Variants in REC8 observed in about 807,000 individuals in gnomAD.
The protein encoded by REC8 is meiotic recombination protein REC8 homolog.
A neutral mutation model predicts 78.3 loss-of-function variants in REC8; 42 were observed. The ratio of observed to expected loss-of-function variants is 0.54; its 90% CI spans 0.42 to 0.69. REC8 has a LOEUF of 0.69. Ranked by LOEUF, REC8 falls within the 30% of genes least tolerant of loss-of-function variation. REC8 has a pLI of 0.00. For missense variants in REC8, 581 were observed against 715.8 expected (o/e 0.81, Z 2.15); for synonymous variants, 268 against 274.1 (o/e 0.98, Z 0.22).
At chr14:24,178,947 C>G in intron 14 of REC8, 31 bp downstream of exon 14, 1 of 1,611,264 alleles carries the variant, frequency 6.2e-7, no homozygotes, top group South Asian at 1.1e-5. Context: ...CTGCATCGCC[C>G]CAGTGCCAGG....
At chr14:24,177,883 C>T (rs2038972226) in intron 11 of REC8, 125 bp downstream of exon 11, 1 of 1,468,446 alleles carries the variant, frequency 6.8e-7, no homozygotes. Flanking sequence ...AAAAGATGCC[C>T]CTTTCTACGC....
Position 24,176,882 on chromosome 14 carries a change from T to C in REC8, c.605T>C (p.Ile202Thr). 6.2e-7 allele frequency: 1 copy of C among 1,613,738 alleles called. No homozygotes were observed. The highest frequency in any genetic ancestry group is 1.1e-5 in the South Asian group (1 of 90,998). Residue 202 changes from isoleucine (I) to threonine (T), a missense_variant, in exon 7 of 19, where the codon ATA becomes ACA. Transcript: ENST00000611366. ...EAITILEAEP[I>T]RMLEIEGERE... ...ATCACGATCCTGGAGGCAGAGCCCATACGGATGCTGGAGATTGAGGTGAGT... is the reference window on the plus strand; with the variant it reads ...ATCACGATCCTGGAGGCAGAGCCCACACGGATGCTGGAGATTGAGGTGAGT...
Position 24,175,542 on chromosome 14 carries a change from G to A in REC8, c.463-1G>A. 2 of 1,613,344 alleles carry A rather than the reference G, an allele frequency of 1.2e-6. No individual in the cohort carries two copies. The highest frequency in any genetic ancestry group is 1.7e-6 in the Non-Finnish European group (2 of 1,179,326). ...CTTTTGTTTCCAATCCCTCTCCAAAGATTCGACACCTCTTAGAGGCTGCAA... is the reference window on the plus strand; with the variant it reads ...CTTTTGTTTCCAATCCCTCTCCAAAAATTCGACACCTCTTAGAGGCTGCAA... On this transcript the variant is annotated splice_acceptor_variant, in intron 5 of 18. Transcript: ENST00000611366. LOFTEE classifies it high-confidence loss of function.
rs1388492695 is a variant in REC8, at chr14:24,172,957, C to T, written c.184C>T (p.Arg62Trp). ...RVQPPQPGLP[R>W]PRFSLYLSAQ... ...GCAACCCCCGCAGCCCGGCCTGCCG[C>T]GGCCCCGCTTCTCCCTCTATCTCTC... Residue 62 changes from arginine (R) to tryptophan (W), a missense_variant, in exon 3 of 19, where the codon CGG (arginine) becomes TGG (tryptophan). Arg to Trp is a moderately radical substitution (Grantham distance 101, BLOSUM62 -3). Coordinates refer to ENST00000611366, the MANE Select transcript of REC8 (RefSeq NM_001048205.2). 3.1e-6 allele frequency: 5 copies of T among 1,610,130 alleles called. No individual in the cohort carries two copies. The South Asian group carries it at 3.3e-5, about 11-fold the overall frequency.
downstream of REC8, chr14:24,180,628 CT>C: frequency 1.9e-6 from 3 of 1,612,422 alleles, no homozygotes; most frequent in Non-Finnish European, 2.5e-6. Context: ...CTGCCCCAGG[CT>C]CTCTGAGCCC....
At position 24,177,526 on chromosome 14, in the gene REC8, GGGGCCCTAC is replaced by G; in HGVS notation, c.800_808del (p.Gly267_Leu270delinsVal). On this transcript the variant is annotated inframe_deletion, in exon 10 of 19. Coordinates refer to ENST00000611366, the MANE Select transcript of REC8 (RefSeq NM_001048205.2). Reference sequence around the variant, plus strand: ...GCTGAGGCTGACAGGCTGGGAACCTGGGGCCCTACTCATGGGTGAGTGCCCACCATGCCC... The same window carrying G: ...GCTGAGGCTGACAGGCTGGGAACCTGTCATGGGTGAGTGCCCACCATGCCC... 2 of 1,613,788 alleles carry G rather than the reference GGGGCCCTAC, an allele frequency of 1.2e-6. No homozygotes were observed. The highest frequency in any genetic ancestry group is 1.7e-6 in the Non-Finnish European group (2 of 1,179,812).
chr14:24,172,964 G>C lies in REC8; in HGVS notation c.191G>C (p.Arg64Pro). 1 of 1,609,802 alleles carries C rather than the reference G, an allele frequency of 6.2e-7. No individual in the cohort carries two copies. Among genetic ancestry groups the C allele is most frequent in the African/African-American group, 1.3e-5 (1 of 75,046 alleles). ...CCGCAGCCCGGCCTGCCGCGGCCCC[G>C]CTTCTCCCTCTATCTCTCAGCCCAA... ...QPPQPGLPRP[R>P]FSLYLSAQLQ... Residue 64 changes from arginine to proline, a missense_variant, in exon 3 of 19, where the codon CGC (arginine) becomes CCC (proline). Physicochemically the swap from Arg to Pro is moderately radical, Grantham distance 103. Coordinates refer to ENST00000611366, the MANE Select transcript of REC8 (RefSeq NM_001048205.2).
Position 24,177,478 on chromosome 14 carries a change from G to A in REC8, c.751G>A (p.Gly251Arg). 6.2e-7 allele frequency: 1 copy of A among 1,614,180 alleles called. No individual in the cohort carries two copies. Among genetic ancestry groups the A allele is most frequent in the South Asian group, 1.1e-5 (1 of 91,080 alleles). ...ATTTCCCCTCAGGGTGGAAGGAATA[G>A]GAGAGGCACTGGGTCCTGAGGAGCT... ...PPAPAEVEGI[G>R]EALGPEELRL... Residue 251 changes from glycine (G) to arginine (R), a missense_variant, in exon 10 of 19, where the codon GGA (glycine) becomes AGA (arginine). Coordinates refer to ENST00000611366, the MANE Select transcript of REC8 (RefSeq NM_001048205.2).
rs745712454 is a variant in REC8 at position 24,178,683 on chromosome 14, TG to T, written c.1063+16del. 7 of 1,613,958 alleles carry T rather than the reference TG, an allele frequency of 4.3e-6. No homozygotes were observed. The South Asian group carries it at 7.7e-5, about 18-fold the overall frequency. ...GAACCCCAACTCTCTGTAAGAATGG[TG>T]GGGGTTGGGCACGAAGTATCCTCAA... On this transcript the variant is annotated intron_variant, in intron 13 of 18. Coordinates refer to ENST00000611366, the MANE Select transcript of REC8 (RefSeq NM_001048205.2).
chr14:24,174,445 T>C (rs909274966), intron 5 of REC8, among the ~76,000 whole-genome samples: 2 of 152,168 alleles, frequency 1.3e-5, no homozygotes, highest in Admixed American at 6.5e-5. Context: ...GCCCGGCTAA[T>C]TTTTGTATCT....
chr14:24,180,786 GC>G, downstream of REC8: 1 of 1,607,988 alleles, frequency 6.2e-7, no homozygotes, highest in Non-Finnish European at 8.5e-7. Context: ...CTGACTCAGG[GC>G]AGCAGCCCCA....
At chr14:24,175,722 G>A in intron 6 of REC8, 98 bp downstream of exon 6, 1 of 884,196 alleles carries the variant, frequency 1.1e-6, no homozygotes, top group Non-Finnish European at 1.8e-6. Context: ...CCTTGTGAGG[G>A]GCGCTTTTTT....
chr14:24,177,427 G>C (rs1383700178), intron 9 of REC8, 38 bp from the exon 10 acceptor site: 1 of 1,614,164 alleles, frequency 6.2e-7, no homozygotes, highest in Non-Finnish European at 8.5e-7. Flanking sequence ...TCAGTGCTGG[G>C]AAGGGTCTCC....
At position 24,178,163 on chromosome 14, in the gene REC8, C is replaced by G; in HGVS notation, c.937C>G (p.Gln313Glu). 1 of 1,614,030 alleles carries G rather than the reference C, an allele frequency of 6.2e-7. No homozygotes were observed. The highest frequency in any genetic ancestry group is 8.5e-7 in the Non-Finnish European group (1 of 1,179,962). Residue 313 changes from glutamine (Q) to glutamate (E), a missense_variant, in exon 12 of 19, where the codon CAG becomes GAG. Transcript: ENST00000611366. ...RRLLFWDKET[Q>E]ISPEKFQEQL... ...GTTACTGTTCTGGGACAAGGAGACT[C>G]AGATCTCCCCGGAGAAATTCCAGGA...
downstream of REC8, chr14:24,180,437 G>A: frequency 6.2e-7 from 1 of 1,603,782 alleles, no homozygotes; most frequent in East Asian, 2.2e-5. Flanking sequence ...GCTGCAGCCT[G>A]CAGTCTAGGA....
At chr14:24,177,852 G>C (rs2038970638) in intron 11 of REC8, 94 bp downstream of exon 11, 1 of 1,482,658 alleles carries the variant, frequency 6.7e-7, no homozygotes, top group Non-Finnish European at 9.0e-7. Flanking sequence ...CTAGCTTACA[G>C]GGGTCCTTAA....
At chr14:24,176,462 G>T (rs2038905491) in intron 6 of REC8, among the ~76,000 whole-genome samples, 1 of 149,678 alleles carries the variant, frequency 6.7e-6, no homozygotes, top group Non-Finnish European at 1.5e-5. Context: ...TCCCACCTCA[G>T]CCTCCAGAGT....
At chr14:24,172,818 G>A (rs532908197) in intron 2 of REC8, 37 bp downstream of exon 2, 3 of 1,614,122 alleles carry the variant, frequency 1.9e-6, no homozygotes, top group Non-Finnish European at 2.5e-6. Flanking sequence ...CCTGGTGCGG[G>A]GGGTGAGTTA....
chr14:24,172,874 G>C (rs1441547806), intron 2 of REC8, 25 bp from the exon 3 acceptor site: 7 of 1,613,350 alleles, frequency 4.3e-6, no homozygotes, highest in Non-Finnish European at 5.9e-6. Context: ...GGACGCAGCG[G>C]TAATCAGGGC....
Sources: gnomAD v4.1 joint callset for allele counts (sites outside exome capture counted in the v4.1 genomes callset) on GRCh38, gnomAD v4.1.1 for gene constraint, MANE v1.5 for transcripts, NCBI Gene and HGNC (gene_info 2026-07-23, HGNC 2026-07-21) for gene names.